The following CNTN6 variants were observed in gnomAD, a reference collection of about 807,000 sequenced individuals.
The protein encoded by CNTN6 is contactin-6.
A neutral mutation model predicts 122.8 loss-of-function variants in CNTN6; 137 were observed. The ratio of observed to expected loss-of-function variants is 1.12; its 90% CI spans 0.97 to 1.29. The LOEUF is 1.29. Ranked by LOEUF, CNTN6 falls within the 50% of genes most tolerant of loss-of-function variation. The pLI, the probability that CNTN6 is intolerant of heterozygous loss-of-function variation, is 0.00. For missense variants in CNTN6, 1,634 were observed against 1,223.4 expected (o/e 1.34, Z -5.01); for synonymous variants, 570 against 426.0 (o/e 1.34, Z -4.16).
intron 1 of CNTN6, among the ~76,000 whole-genome samples, chr3:1,138,898 C>T (rs942844120): frequency 6.6e-6 from 1 of 151,566 alleles, no homozygotes; most frequent in African/African-American, 2.4e-5. Context: ...CTTTTCATTC[C>T]AGATATTTCC....
chr3:1,314,098 C>G (rs1231293408), intron 7 of CNTN6, among the ~76,000 whole-genome samples: 1 of 152,024 alleles, frequency 6.6e-6, no homozygotes, highest in Admixed American at 6.6e-5. Context: ...TCCATTTACA[C>G]CACTCAGAGT....
At chr3:1,202,374 A>G (rs1226092616) in intron 2 of CNTN6, among the ~76,000 whole-genome samples, 3 of 151,608 alleles carry the variant, frequency 2.0e-5, no homozygotes, top group Non-Finnish European at 4.4e-5. Context: ...CCGCGTCTCT[A>G]CTAAAAATAC....
chr3:1,099,981 C>T (rs2090790796), intron 1 of CNTN6, among the ~76,000 whole-genome samples: 1 of 152,058 alleles, frequency 6.6e-6, no homozygotes, highest in South Asian at 2.1e-4. Context: ...TCTTCATAAA[C>T]AGGACAATGA....
intron 5 of CNTN6, among the ~76,000 whole-genome samples, chr3:1,289,293 G>C (rs1466348288): frequency 6.6e-6 from 1 of 152,154 alleles, no homozygotes; most frequent in Non-Finnish European, 1.5e-5. Flanking sequence ...TGACTGGGAG[G>C]AGCCAGCCCA....
At chr3:1,352,712 C>G (rs1705846555) in intron 12 of CNTN6, among the ~76,000 whole-genome samples, 1 of 151,772 alleles carries the variant, frequency 6.6e-6, no homozygotes, top group African/African-American at 2.4e-5. Context: ...AATTATTTGG[C>G]TTTTTACATA....
intron 4 of CNTN6, among the ~76,000 whole-genome samples, chr3:1,255,096 G>C (rs1225147624): frequency 2.0e-5 from 3 of 152,136 alleles, no homozygotes; most frequent in African/African-American, 7.2e-5. Context: ...TACCATGGTA[G>C]CTGGGTGGGG....
chr3:1,215,559 G>A (rs373302088), intron 2 of CNTN6, among the ~76,000 whole-genome samples: 3 of 151,954 alleles, frequency 2.0e-5, no homozygotes, highest in Non-Finnish European at 4.4e-5. Flanking sequence ...TATTGACATT[G>A]TTATATTATT....
chr3:1,322,235 G>A (rs1438416081), intron 8 of CNTN6, among the ~76,000 whole-genome samples: 1 of 151,562 alleles, frequency 6.6e-6, no homozygotes, highest in South Asian at 2.1e-4. Context: ...ATACTGCATG[G>A]TGGTTTATAA....
chr3:1,383,168 G>A lies in CNTN6; in HGVS notation c.2393G>A (p.Gly798Glu). 1 of 1,612,176 alleles carries A rather than the reference G, an allele frequency of 6.2e-7. No homozygotes were observed. Among genetic ancestry groups the A allele is most frequent in the Non-Finnish European group, 8.5e-7 (1 of 1,178,312 alleles). ...SLSTVTIVYSGEDEPQLAPRG... is the reference protein window; with the variant it reads ...SLSTVTIVYSEEDEPQLAPRG... ...AGTACTGTGACCATTGTCTACTCTG[G>A]GGAAGATGGTAAGTTGTCCTCAACT... The change falls in exon 18 of 23, where the codon GGG becomes GAG. Residue 798 changes from glycine (G) to glutamate (E), a missense_variant. By Grantham distance (98) the Gly-to-Glu change is moderately conservative. Coordinates refer to ENST00000446702, the MANE Select transcript of CNTN6 (RefSeq NM_001289080.2).
chr3:1,102,709 C>G (rs1190180936), intron 1 of CNTN6, among the ~76,000 whole-genome samples: 1 of 150,100 alleles, frequency 6.7e-6, no homozygotes, highest in South Asian at 2.1e-4. Context: ...GCCTGGGCGA[C>G]AGGGCGAGAC....
chr3:1,172,982 T>A (rs966016932), intron 2 of CNTN6, among the ~76,000 whole-genome samples: 3 of 152,004 alleles, frequency 2.0e-5, no homozygotes, highest in Non-Finnish European at 2.9e-5. Flanking sequence ...TCTCCAGGAG[T>A]GGAGGGTTCA....
chr3:1,224,605 G>C (rs543438638), intron 3 of CNTN6, among the ~76,000 whole-genome samples: 1 of 152,084 alleles, frequency 6.6e-6, no homozygotes, highest in African/African-American at 2.4e-5. Context: ...CATTCTTTCA[G>C]CAAATATACC....
chr3:1,210,499 G>C (rs1386382930), intron 2 of CNTN6, among the ~76,000 whole-genome samples: 1 of 152,118 alleles, frequency 6.6e-6, no homozygotes, highest in Non-Finnish European at 1.5e-5. Flanking sequence ...TCTAGCTTAA[G>C]CTCTACAGGT....
In CNTN6 at chr3:1,349,397, G is replaced by GT. The variant is rs202125041; in HGVS notation, c.1365-2918dup. ...CTTATCTATTCTTCTGGCTGTGTGT[G>GT]TTTTTTTTTAAATGCCAGAGAAGCA... On this transcript the variant is annotated intron_variant, in intron 11 of 22. Transcript: ENST00000446702. Among the ~76,000 whole-genome samples the GT allele has an allele frequency of 1.8e-4, 27 of 149,416 alleles. No individual in the cohort carries two copies. The East Asian group carries it at 4.1e-3, about 23-fold the overall frequency.
chr3:1,263,292 C>A (rs1487502116), intron 4 of CNTN6, among the ~76,000 whole-genome samples: 1 of 152,162 alleles, frequency 6.6e-6, no homozygotes, highest in Non-Finnish European at 1.5e-5. Context: ...CATTTTCCTT[C>A]AACTATGTGA....
intron 17 of CNTN6, among the ~76,000 whole-genome samples, chr3:1,379,616 G>A (rs893011837): frequency 1.3e-5 from 2 of 151,846 alleles, no homozygotes; most frequent in Non-Finnish European, 2.9e-5. Flanking sequence ...GCCCTCTACA[G>A]AAAAAGCATA....
intron 7 of CNTN6, among the ~76,000 whole-genome samples, chr3:1,310,354 T>C (rs1454295890): frequency 6.6e-6 from 1 of 152,156 alleles, no homozygotes; most frequent in African/African-American, 2.4e-5. Context: ...TCCAAATGCT[T>C]TTTTTGGCAC....
At chr3:1,193,971 TG>T (rs2093738718) in intron 2 of CNTN6, among the ~76,000 whole-genome samples, 1 of 152,102 alleles carries the variant, frequency 6.6e-6, no homozygotes. Context: ...CTTTTATCTA[TG>T]TTTTTTTTCC....
chr3:1,214,900 C>G lies in CNTN6; in HGVS notation c.56-5787C>G, dbSNP rs560741957. Among the ~76,000 whole-genome samples, 3 of 152,104 alleles carry G rather than the reference C, an allele frequency of 2.0e-5. No homozygotes were observed. The South Asian group carries it at 6.2e-4, about 32-fold the overall frequency. The stretch of plus-strand genomic sequence containing the variant: ...TCTCCCAAGTAGCTGGGACTACAAG[C>G]ACCCACCACTGCTAATTTTTCTTTT... On this transcript the variant is annotated intron_variant, in intron 2 of 22. Coordinates refer to ENST00000446702, the MANE Select transcript of CNTN6 (RefSeq NM_001289080.2).
Sources: gnomAD v4.1 joint callset for allele counts (sites outside exome capture counted in the v4.1 genomes callset) on GRCh38, gnomAD v4.1.1 for gene constraint, MANE v1.5 for transcripts, NCBI Gene and HGNC (gene_info 2026-07-23, HGNC 2026-07-21) for gene names.